AKAP13: variants seen among roughly 807,000 people sequenced by gnomAD.
The protein encoded by AKAP13 is A-kinase anchoring protein 13.
Under a neutral mutation model 264.5 loss-of-function variants are expected in AKAP13, and 80 were observed. The ratio of observed to expected loss-of-function variants is 0.30; its 90% CI spans 0.25 to 0.36. AKAP13 has a LOEUF of 0.36. AKAP13 is among the 10% of genes least tolerant of loss of function. AKAP13 has a pLI of 1.00. For missense variants in AKAP13, 3,712 were observed against 3,435.2 expected (o/e 1.08, Z -2.01); for synonymous variants, 1,380 against 1,250.2 (o/e 1.10, Z -2.19).
rs945858422 is a variant in AKAP13, at chr15:85,380,768, C to G, written c.-42C>G. 6.6e-6 allele frequency: 1 copy of G among 152,620 alleles called. No individual in the cohort carries two copies. The highest frequency in any genetic ancestry group is 2.4e-5 in the African/African-American group (1 of 41,470). The allele number at this position is 152,620 out of a possible 1,614,324, so 9.5% of individuals were successfully genotyped here. On this transcript the variant is annotated 5_prime_UTR_variant, in exon 1 of 37. Coordinates refer to ENST00000394518, the MANE Select transcript of AKAP13 (RefSeq NM_007200.5). ...GCGAAGGTGAAGAGTTGTCCCAGCTCGGCCCGCGGGGGAGCCCCGGGAGCC... is the reference window on the plus strand; with the variant it reads ...GCGAAGGTGAAGAGTTGTCCCAGCTGGGCCCGCGGGGGAGCCCCGGGAGCC...
intron 1 of AKAP13, among the ~76,000 whole-genome samples, chr15:85,464,289 T>C (rs542365420): frequency 6.6e-6 from 1 of 152,324 alleles, no homozygotes; most frequent in East Asian, 1.9e-4. Flanking sequence ...CAGTTACAGA[T>C]TTTGGAAGGT....
chr15:85,491,385 C>T (rs1441167607), intron 2 of AKAP13, among the ~76,000 whole-genome samples: 2 of 151,642 alleles, frequency 1.3e-5, no homozygotes, highest in East Asian at 3.9e-4. Flanking sequence ...ATATTTTGGA[C>T]TACCCTTTTG....
chr15:85,386,764 CT>C (rs915944546), intron 1 of AKAP13, among the ~76,000 whole-genome samples: 106 of 140,526 alleles, frequency 7.5e-4, no homozygotes, highest in Admixed American at 8.5e-4. Flanking sequence ...ACCTTTGTGC[CT>C]TTTTTTTTTT....
chr15:85,507,138 G>GT (rs752180355), intron 2 of AKAP13, among the ~76,000 whole-genome samples: 5 of 152,058 alleles, frequency 3.3e-5, no homozygotes, highest in Non-Finnish European at 7.4e-5. Flanking sequence ...TTATATCACT[G>GT]TAACTGTATG....
intron 14 of AKAP13, among the ~76,000 whole-genome samples, chr15:85,680,690 C>A (rs1597034636): frequency 6.6e-6 from 1 of 152,060 alleles, no homozygotes; most frequent in South Asian, 2.1e-4. Flanking sequence ...CATGGCGAGT[C>A]CCTGTTTCTA....
chr15:85,479,332 C>G (rs1012440769), intron 1 of AKAP13, among the ~76,000 whole-genome samples: 1 of 152,158 alleles, frequency 6.6e-6, no homozygotes, highest in Non-Finnish European at 1.5e-5. Flanking sequence ...AACATTGACT[C>G]TTTTACAAGA....
intron 21 of AKAP13, 39 bp from the exon 22 acceptor site, chr15:85,717,968 A>G: frequency 6.2e-7 from 1 of 1,604,180 alleles, no homozygotes; most frequent in Non-Finnish European, 8.5e-7. Flanking sequence ...TTTACAGGTC[A>G]CAAACCTGAT....
At chr15:85,409,163 C>T (rs2071819952) in intron 1 of AKAP13, among the ~76,000 whole-genome samples, 2 of 151,572 alleles carry the variant, frequency 1.3e-5, no homozygotes, top group Middle Eastern at 3.4e-3. Flanking sequence ...GCCTGTTTTT[C>T]ATTTTTATTT....
intron 23 of AKAP13, 38 bp downstream of exon 23, chr15:85,719,364 G>T (rs980343672): frequency 1.2e-6 from 2 of 1,603,268 alleles, no homozygotes; most frequent in Non-Finnish European, 8.5e-7. Flanking sequence ...TACATACACT[G>T]GGAAAAAGGG....
chr15:85,741,728 AC>A (rs869155922), intron 35 of AKAP13, among the ~76,000 whole-genome samples: 8,354 of 69,804 alleles, frequency 0.12, 171 homozygotes, highest in Middle Eastern at 0.18. Context: ...AAACAAACAA[AC>A]AAAAAAAAAA....
chr15:85,627,631 C>G (rs777328769), intron 8 of AKAP13: 1 of 152,218 alleles, frequency 6.6e-6, no homozygotes, highest in Non-Finnish European at 1.5e-5. Context: ...GTAGCTGTAT[C>G]TCCTGTTGTT....
At chr15:85,442,482 A>T (rs1339728695) in intron 1 of AKAP13, among the ~76,000 whole-genome samples, 8 of 115,618 alleles carry the variant, frequency 6.9e-5, no homozygotes, top group South Asian at 5.0e-4. Flanking sequence ...ATATTATATA[A>T]TATATATAAT....
chr15:85,742,351 G>A (rs1433136922), intron 35 of AKAP13, among the ~76,000 whole-genome samples: 1 of 152,226 alleles, frequency 6.6e-6, no homozygotes, highest in Non-Finnish European at 1.5e-5. Flanking sequence ...AGCACACCAA[G>A]AATAAAAGAG....
chr15:85,624,116 A>G (rs2081305757), intron 8 of AKAP13, among the ~76,000 whole-genome samples: 1 of 152,202 alleles, frequency 6.6e-6, no homozygotes, highest in African/African-American at 2.4e-5. Context: ...TTAACTGCTG[A>G]TTTGCACTGC....
At chr15:85,504,462 T>G (rs2076129678) in intron 2 of AKAP13, among the ~76,000 whole-genome samples, 1 of 128,692 alleles carries the variant, frequency 7.8e-6, no homozygotes, top group African/African-American at 3.0e-5. Flanking sequence ...AGCCCAGGAG[T>G]TCAGGACCAG....
intron 8 of AKAP13, among the ~76,000 whole-genome samples, chr15:85,605,703 A>G (rs1220702883): frequency 1.3e-5 from 2 of 152,230 alleles, no homozygotes; most frequent in African/African-American, 4.8e-5. Flanking sequence ...TATAAAAATC[A>G]ATATGTATTT....
intron 1 of AKAP13, among the ~76,000 whole-genome samples, chr15:85,456,601 G>A (rs1306131620): frequency 2.0e-5 from 3 of 147,288 alleles, no homozygotes; most frequent in African/African-American, 7.6e-5. Flanking sequence ...CCGGGCTGGA[G>A]TGCAGTGGCG....
intron 13 of AKAP13, among the ~76,000 whole-genome samples, chr15:85,666,463 C>T (rs138020974): frequency 6.7e-6 from 1 of 148,330 alleles, no homozygotes; most frequent in Non-Finnish European, 1.5e-5. Flanking sequence ...TTTCTGCCTT[C>T]TGTAGGTCGC....
At chr15:85,622,239 T>C (rs1474500676) in intron 8 of AKAP13, among the ~76,000 whole-genome samples, 1 of 152,038 alleles carries the variant, frequency 6.6e-6, no homozygotes, top group East Asian at 1.9e-4. Context: ...TAGGGAATAA[T>C]GGGCAGAACT....
Sources: allele counts gnomAD v4.1 joint callset (sites outside exome capture counted in the v4.1 genomes callset), GRCh38; gene constraint gnomAD v4.1.1; transcripts MANE v1.5; gene names NCBI Gene and HGNC (gene_info 2026-07-23, HGNC 2026-07-21).